Variants in IL17RD observed in about 807,000 individuals in gnomAD.
The protein encoded by IL17RD is interleukin 17 receptor D.
In IL17RD, 52 loss-of-function variants were observed where a neutral mutation model predicts 80.5. The observed-to-expected ratio is 0.65, with a 90% CI of 0.52 to 0.81. IL17RD has a LOEUF of 0.81. Among genes scored for constraint, IL17RD ranks in the 40% least tolerant of loss-of-function variants. The pLI is 0.00. For synonymous variants in IL17RD, 416 were observed against 391.8 expected (o/e 1.06, Z -0.73); for missense variants, 1,024 against 955.1 (o/e 1.07, Z -0.95).
At chr3:57,128,603 A>C (rs906362449) in intron 1 of IL17RD, among the ~76,000 whole-genome samples, 1 of 152,134 alleles carries the variant, frequency 6.6e-6, no homozygotes, top group African/African-American at 2.4e-5. Context: ...TTCACTAAAG[A>C]TAAAGATATG....
chr3:57,120,162 C>A, intron 2 of IL17RD, 94 bp downstream of exon 2: 1 of 1,051,666 alleles, frequency 9.5e-7, no homozygotes, highest in Non-Finnish European at 1.5e-6. Flanking sequence ...AATTCGTCAA[C>A]CCCAAGACTG....
chr3:57,127,293 TAAATATATATA>T (rs1707495315), intron 1 of IL17RD, among the ~76,000 whole-genome samples: 1 of 93,406 alleles, frequency 1.1e-5, no homozygotes, highest in Non-Finnish European at 1.8e-5. Flanking sequence ...TAAATATATA[TAAATATATATA>T]AAAATATATA....
At position 57,105,916 on chromosome 3, in the gene IL17RD, A is replaced by G; in HGVS notation, c.688T>C (p.Phe230Leu). 1 of 1,613,944 alleles carries G rather than the reference A, an allele frequency of 6.2e-7. No homozygotes were observed. The highest frequency in any genetic ancestry group is 8.5e-7 in the Non-Finnish European group (1 of 1,179,874). Reference protein sequence around the residue: ...HAPHNFGFRFFYLHYKLKHEG... With the variant: ...HAPHNFGFRFLYLHYKLKHEG... ...TGCTTGAGCTTGTAGTGAAGATAGA[A>G]GAAACGGAAGCCGAAGTTGTGCGGT... The change falls in exon 7 of 13, where the codon TTC becomes CTC. Residue 230 changes from phenylalanine (F) to leucine (L), a missense_variant. Phe to Leu is a conservative substitution (Grantham distance 22, BLOSUM62 0). Coordinates refer to ENST00000296318, the MANE Select transcript of IL17RD (RefSeq NM_017563.5).
chr3:57,121,617 T>C (rs1319224207), intron 1 of IL17RD, among the ~76,000 whole-genome samples: 1 of 152,200 alleles, frequency 6.6e-6, no homozygotes, highest in African/African-American at 2.4e-5. Context: ...CTAGCCTCTC[T>C]TCCCCACATA....
In IL17RD at chr3:57,099,075, C is replaced by A. The variant is rs1252492430; in HGVS notation, c.1165-537G>T. Among the ~76,000 whole-genome samples, 3 of 152,348 alleles carry A rather than the reference C, an allele frequency of 2.0e-5. No individual in the cohort carries two copies. The South Asian group carries it at 6.2e-4, about 32-fold the overall frequency. On this transcript the variant is annotated intron_variant, in intron 11 of 12. Coordinates refer to ENST00000296318, the MANE Select transcript of IL17RD (RefSeq NM_017563.5). ...GTCACCCACAATTATAGGTGACTCACATCCAGACAGTGACTGACAAAGGGG... is the reference window on the plus strand; with the variant it reads ...GTCACCCACAATTATAGGTGACTCAAATCCAGACAGTGACTGACAAAGGGG...
At chr3:57,139,515 CTTTT>C (rs10717205) in intron 1 of IL17RD, among the ~76,000 whole-genome samples, 2 of 134,750 alleles carry the variant, frequency 1.5e-5, no homozygotes, top group South Asian at 2.3e-4. Context: ...TGAAAATTTC[CTTTT>C]TTTTTTTTTT....
At chr3:57,120,371 A>C in intron 1 of IL17RD, 58 bp from the exon 2 acceptor site, 6 of 1,275,162 alleles carry the variant, frequency 4.7e-6, no homozygotes, top group Non-Finnish European at 6.9e-6. Flanking sequence ...TTCCAACACA[A>C]AGCCCCATGG....
At chr3:57,146,038 C>CGT (rs1559483503) in intron 1 of IL17RD, among the ~76,000 whole-genome samples, 7 of 147,774 alleles carry the variant, frequency 4.7e-5, no homozygotes, top group African/African-American at 1.5e-4. Context: ...CTCACGCGCG[C>CGT]GCGCGCGCAC....
At chr3:57,115,278 G>A (rs975560638) in intron 2 of IL17RD, among the ~76,000 whole-genome samples, 2 of 152,180 alleles carry the variant, frequency 1.3e-5, no homozygotes, top group Non-Finnish European at 2.9e-5. Context: ...CTAACACTCA[G>A]ATGTGAATTC....
upstream of IL17RD, among the ~76,000 whole-genome samples, chr3:57,167,330 T>G (rs997655954): frequency 6.6e-6 from 1 of 152,128 alleles, no homozygotes; most frequent in Non-Finnish European, 1.5e-5. Flanking sequence ...CTTCTGTGAA[T>G]AGACCTCAGG....
chr3:57,142,366 G>A, intron 1 of IL17RD: 1 of 485,760 alleles, frequency 2.1e-6, no homozygotes, highest in Non-Finnish European at 3.8e-6. Flanking sequence ...TTCTTTTGTG[G>A]AGAAGTGGAG....
At chr3:57,153,763 T>C (rs1035423580) in intron 1 of IL17RD, among the ~76,000 whole-genome samples, 3 of 152,238 alleles carry the variant, frequency 2.0e-5, no homozygotes, top group African/African-American at 7.2e-5. Flanking sequence ...TGTGGGGCTG[T>C]AAGGGACTCT....
chr3:57,094,392 T>A lies in IL17RD; in HGVS notation c.*2001A>T, dbSNP rs1706623677. On this transcript the variant is annotated 3_prime_UTR_variant, in exon 13 of 13. Transcript: ENST00000296318. ...TCCAAACTAAAACATCCCGATTTTT[T>A]AACTAGCACTCTCTTTTTCTCTTCC... 1 of 152,190 alleles carries A rather than the reference T, an allele frequency of 6.6e-6. No homozygotes were observed. Among genetic ancestry groups the A allele is most frequent in the Admixed American group, 6.5e-5 (1 of 15,280 alleles). 9.4% of individuals were successfully genotyped at this position (152,190 alleles called of 1,614,324 possible).
chr3:57,150,586 G>A (rs1226165188), intron 1 of IL17RD: 1 of 152,188 alleles, frequency 6.6e-6, no homozygotes, highest in African/African-American at 2.4e-5. Context: ...CAAAGGCTGG[G>A]CAGTCAGGAC....
chr3:57,136,904 A>AT (rs1257063249), intron 1 of IL17RD, among the ~76,000 whole-genome samples: 2 of 152,188 alleles, frequency 1.3e-5, no homozygotes, highest in African/African-American at 2.4e-5. Context: ...ACTACAGTAG[A>AT]TAAGGTTACA....
chr3:57,157,797 C>T (rs748743572), intron 1 of IL17RD, among the ~76,000 whole-genome samples: 26 of 152,312 alleles, frequency 1.7e-4, no homozygotes, highest in Non-Finnish European at 3.2e-4. Flanking sequence ...CAGGAAAACA[C>T]ACCTCTTCGT....
In IL17RD at chr3:57,098,162, CG is replaced by C. The variant is rs1363976600; in HGVS notation, c.1540del (p.Arg514GlufsTer75). ...LPQLCSHLHS[R>X]DHGLQEPGQH... ...CCCCGGCTCCTGGAGGCCGTGGTCT[CG>C]GGAGTGCAAGTGGGAACAGAGCTGA... is the stretch of plus-strand genomic sequence containing the variant. On this transcript the variant is annotated frameshift_variant, in exon 12 of 13. Coordinates refer to ENST00000296318, the MANE Select transcript of IL17RD (RefSeq NM_017563.5). LOFTEE classifies it high-confidence loss of function. 1 of 1,613,958 alleles carries C rather than the reference CG, an allele frequency of 6.2e-7. No individual in the cohort carries two copies. Among genetic ancestry groups the C allele is most frequent in the Admixed American group, 1.7e-5 (1 of 60,022 alleles).
chr3:57,140,385 T>G (rs1303644854), intron 1 of IL17RD, among the ~76,000 whole-genome samples: 1 of 152,126 alleles, frequency 6.6e-6, no homozygotes, highest in African/African-American at 2.4e-5. Context: ...TAACTGACAA[T>G]TTCCCAGAAC....
intron 3 of IL17RD, 41 bp downstream of exon 3, chr3:57,114,651 C>T: frequency 1.3e-6 from 2 of 1,555,074 alleles, no homozygotes; most frequent in Non-Finnish European, 1.7e-6. Flanking sequence ...GGGCCCTATC[C>T]ACCCAGGTTA....
Sources: allele counts gnomAD v4.1 joint callset (sites outside exome capture counted in the v4.1 genomes callset), GRCh38; gene constraint gnomAD v4.1.1; transcripts MANE v1.5; gene names NCBI Gene and HGNC (gene_info 2026-07-23, HGNC 2026-07-21).